The following RALGPS2 variants were observed in gnomAD, a reference collection of about 807,000 sequenced individuals.
The protein encoded by RALGPS2 is Ral GEF with PH domain and SH3 binding motif 2, also known as ras-specific guanine nucleotide-releasing factor RalGPS2.
A neutral mutation model predicts 86.8 loss-of-function variants in RALGPS2; 43 were observed. The observed-to-expected ratio is 0.50, with a 90% CI of 0.39 to 0.64. The LOEUF (loss-of-function observed/expected upper bound fraction) is 0.64, where lower values mean the gene tolerates loss of function less well. RALGPS2 is among the 30% of genes least tolerant of loss of function. The pLI, the probability that RALGPS2 is intolerant of heterozygous loss-of-function variation, is 0.00. For missense variants in RALGPS2, 536 were observed against 694.6 expected, an observed-to-expected ratio of 0.77 and a Z score of 2.57; for synonymous variants, 243 against 231.3, an observed-to-expected ratio of 1.05 and a Z score of -0.46.
At chr1:178,877,946 A>G (rs1056347080) in intron 9 of RALGPS2, among the ~76,000 whole-genome samples, 1 of 152,058 alleles carries the variant, frequency 6.6e-6, no homozygotes, top group Non-Finnish European at 1.5e-5. Context: ...CCTCACAGCT[A>G]TTTGGCCCTT....
chr1:178,856,563 T>C (rs1228129105), intron 8 of RALGPS2, among the ~76,000 whole-genome samples: 2 of 151,254 alleles, frequency 1.3e-5, no homozygotes, highest in African/African-American at 2.4e-5. Flanking sequence ...AGCCTTTACA[T>C]TGATTGTATT....
rs753602068 is a variant in RALGPS2, at chr1:178,865,571, TTGG to T, written c.608-11924_608-11922del. On this transcript the variant is annotated intron_variant, in intron 8 of 19. Transcript: ENST00000367635. The stretch of plus-strand genomic sequence containing the variant: ...TTTAATGGTACTTGCATCTTGCCCC[TTGG>T]TGTTGACACAGATTGGCCCTGTTAT... 68 of 1,614,002 alleles carry T rather than the reference TTGG, an allele frequency of 4.2e-5. No homozygotes were observed. The Admixed American group carries it at 5.5e-4, about 13-fold the overall frequency.
At chr1:178,823,443 ATGCTC>A (rs10589388) in intron 7 of RALGPS2, among the ~76,000 whole-genome samples, 7,948 of 152,234 alleles carry the variant, frequency 0.052, 704 homozygotes, top group African/African-American at 0.18. Context: ...ATAGCAATAA[ATGCTC>A]TGAAGAAAAG....
chr1:178,893,790 C>CA (rs1355498495), intron 15 of RALGPS2, 129 bp from the exon 16 acceptor site: 1 of 597,178 alleles, frequency 1.7e-6, no homozygotes, highest in Non-Finnish European at 2.9e-6. Flanking sequence ...TTAGAATTGT[C>CA]AGTGTCTTCT....
intron 7 of RALGPS2, among the ~76,000 whole-genome samples, chr1:178,825,948 G>C (rs1655724725): frequency 6.6e-6 from 1 of 152,146 alleles, no homozygotes; most frequent in Non-Finnish European, 1.5e-5. Flanking sequence ...ATTGTGAAGA[G>C]TAAGGAGCAA....
At chr1:178,865,324 A>G (rs1658325567) in intron 8 of RALGPS2, 1 of 1,613,906 alleles carries the variant, frequency 6.2e-7, no homozygotes. Context: ...CCAGTTGGGA[A>G]AGTTCAAGTG....
intron 8 of RALGPS2, chr1:178,852,720 T>C (rs976301717): frequency 6.2e-7 from 1 of 1,613,782 alleles, no homozygotes. Flanking sequence ...GTGTGGTGAA[T>C]TGTTTACCAT....
chr1:178,884,880 G>A (rs1457258711), intron 11 of RALGPS2, among the ~76,000 whole-genome samples, 196 bp from the exon 12 acceptor site: 2 of 152,196 alleles, frequency 1.3e-5, no homozygotes, highest in Middle Eastern at 3.2e-3. Context: ...CTTAGTATAA[G>A]TAAGATAAAA....
intron 1 of RALGPS2, among the ~76,000 whole-genome samples, chr1:178,768,802 C>T (rs1406058667): frequency 6.6e-6 from 1 of 152,016 alleles, no homozygotes; most frequent in African/African-American, 2.4e-5. Flanking sequence ...GAAGTGTGTC[C>T]AGGTGTGGAA....
intron 16 of RALGPS2, among the ~76,000 whole-genome samples, chr1:178,895,547 T>C (rs762378449): frequency 2.6e-5 from 4 of 152,080 alleles, no homozygotes; most frequent in Non-Finnish European, 2.9e-5. Flanking sequence ...AGCTGAGATC[T>C]GAATGAGGAA....
At chr1:178,832,702 A>T (rs116664632) in intron 7 of RALGPS2, among the ~76,000 whole-genome samples, 5,277 of 151,778 alleles carry the variant, frequency 0.035, 234 homozygotes, top group African/African-American at 0.11. Flanking sequence ...AAAAAAAAAA[A>T]TTTTCCAGTC....
chr1:178,733,752 G>A (rs1412606926), intron 1 of RALGPS2, among the ~76,000 whole-genome samples: 1 of 152,176 alleles, frequency 6.6e-6, no homozygotes, highest in Non-Finnish European at 1.5e-5. Context: ...GTGCATCAGA[G>A]GACATGTACA....
At chr1:178,838,822 A>G (rs1190850837) in intron 8 of RALGPS2, among the ~76,000 whole-genome samples, 1 of 152,180 alleles carries the variant, frequency 6.6e-6, no homozygotes, top group African/African-American at 2.4e-5. Flanking sequence ...TCCTTAAATG[A>G]CCTGATGGAG....
At chr1:178,765,994 A>T (rs574610537) in intron 1 of RALGPS2, among the ~76,000 whole-genome samples, 1 of 152,280 alleles carries the variant, frequency 6.6e-6, no homozygotes, top group East Asian at 1.9e-4. Context: ...CGCAGTCATC[A>T]CAGGGTCCTG....
chr1:178,819,568 A>G lies in RALGPS2; in HGVS notation c.388-2044A>G, dbSNP rs78870147. On this transcript the variant is annotated intron_variant, in intron 6 of 19. Coordinates refer to ENST00000367635, the MANE Select transcript of RALGPS2 (RefSeq NM_152663.5). ...CTTGGAAAGCTAACCAGATTTTCAA[A>G]TGTCCTCCAAGGGATTGCCAGCTTT... 8.5e-3 allele frequency among the ~76,000 whole-genome samples: 1,288 copies of G among 152,280 alleles called. 13 individuals carry two copies. The highest frequency in any genetic ancestry group is 0.029 in the African/African-American group (1,200 of 41,550).
At chr1:178,821,726 A>C in intron 7 of RALGPS2, 22 bp downstream of exon 7, 1 of 1,543,940 alleles carries the variant, frequency 6.5e-7, no homozygotes, top group Non-Finnish European at 8.9e-7. Flanking sequence ...TCTTTAGTTA[A>C]TGAAAGGTTA....
chr1:178,875,671 C>T (rs1268725756), intron 8 of RALGPS2, among the ~76,000 whole-genome samples: 1 of 151,914 alleles, frequency 6.6e-6, no homozygotes, highest in African/African-American at 2.4e-5. Flanking sequence ...TCACTTGAAC[C>T]CAGAAGGCAG....
chr1:178,829,180 A>G (rs993778881), intron 7 of RALGPS2, among the ~76,000 whole-genome samples: 2 of 152,248 alleles, frequency 1.3e-5, no homozygotes, highest in Non-Finnish European at 2.9e-5. Context: ...GCACAATTTC[A>G]CTTATCTGTG....
intron 8 of RALGPS2, among the ~76,000 whole-genome samples, chr1:178,846,375 T>C (rs1656865578): frequency 6.6e-6 from 1 of 152,172 alleles, no homozygotes; most frequent in African/African-American, 2.4e-5. Flanking sequence ...TATGTTGTTA[T>C]ATATTGTATA....
Sources: gnomAD v4.1 joint callset for allele counts (sites outside exome capture counted in the v4.1 genomes callset) on GRCh38, gnomAD v4.1.1 for gene constraint, MANE v1.5 for transcripts, NCBI Gene and HGNC (gene_info 2026-07-23, HGNC 2026-07-21) for gene names.